LRMDA: variants seen among roughly 807,000 people sequenced by gnomAD.
The protein encoded by LRMDA is leucine rich melanocyte differentiation associated.
In LRMDA, 18 loss-of-function variants were observed where a neutral mutation model predicts 29.8. The ratio of observed to expected loss-of-function variants is 0.60; its 90% CI spans 0.42 to 0.90. The LOEUF is 0.90. Among genes scored for constraint, LRMDA ranks in the 40% least tolerant of loss-of-function variants. LRMDA has a pLI of 0.00. For missense variants in LRMDA, 273 were observed against 273.9 expected (o/e 1.00, Z 0.02); for synonymous variants, 125 against 109.4 (o/e 1.14, Z -0.89).
intron 2 of LRMDA, among the ~76,000 whole-genome samples, chr10:75,927,146 C>A (rs969784939): frequency 1.3e-5 from 2 of 152,154 alleles, no homozygotes; most frequent in African/African-American, 2.4e-5. Flanking sequence ...GGGTCTCCAG[C>A]GATAGGGAAT....
intron 2 of LRMDA, among the ~76,000 whole-genome samples, chr10:75,742,126 A>G (rs1842837384): frequency 1.3e-5 from 2 of 152,208 alleles, no homozygotes; most frequent in African/African-American, 4.8e-5. Context: ...GCCTGTACTG[A>G]CTAAGATACG....
intron 2 of LRMDA, among the ~76,000 whole-genome samples, chr10:75,934,344 A>G (rs974440861): frequency 6.6e-6 from 1 of 152,070 alleles, no homozygotes; most frequent in African/African-American, 2.4e-5. Context: ...ATGCCTTAGA[A>G]TTATTGTCAT....
chr10:75,999,650 G>A (rs1847528464), intron 2 of LRMDA, among the ~76,000 whole-genome samples: 1 of 152,130 alleles, frequency 6.6e-6, no homozygotes, highest in South Asian at 2.1e-4. Flanking sequence ...CATTTCAGTG[G>A]CGTTGACAAT....
intron 5 of LRMDA, among the ~76,000 whole-genome samples, chr10:76,064,201 G>A (rs941098755): frequency 2.0e-5 from 3 of 152,278 alleles, no homozygotes; most frequent in Admixed American, 6.5e-5. Context: ...TCTGGGCATC[G>A]TATTTGTTTT....
At chr10:75,764,928 CGT>C (rs57422251) in intron 2 of LRMDA, among the ~76,000 whole-genome samples, 22,061 of 142,448 alleles carry the variant, frequency 0.15, 1,625 homozygotes, top group Admixed American at 0.17. Flanking sequence ...GCAAGAGACA[CGT>C]GTGTGTGTGT....
intron 2 of LRMDA, among the ~76,000 whole-genome samples, chr10:75,947,174 G>C (rs1411113997): frequency 6.6e-6 from 1 of 152,164 alleles, no homozygotes; most frequent in Non-Finnish European, 1.5e-5. Context: ...CTTAATCCTA[G>C]TGTGGTACTA....
chr10:76,150,295 G>C (rs767775233), intron 5 of LRMDA, among the ~76,000 whole-genome samples: 4 of 152,198 alleles, frequency 2.6e-5, no homozygotes, highest in Non-Finnish European at 2.9e-5. Context: ...CTGGGCATGC[G>C]TGTGGGTGCC....
chr10:76,141,909 T>C (rs926753366), intron 5 of LRMDA, among the ~76,000 whole-genome samples: 1 of 152,134 alleles, frequency 6.6e-6, no homozygotes, highest in Non-Finnish European at 1.5e-5. Context: ...CTTTAGTTTC[T>C]TTGTCTTTTC....
At chr10:75,992,873 A>T (rs1279054269) in intron 2 of LRMDA, among the ~76,000 whole-genome samples, 1 of 152,232 alleles carries the variant, frequency 6.6e-6, no homozygotes, top group Non-Finnish European at 1.5e-5. Context: ...GTCCAAATTC[A>T]TTCATCCACC....
intron 6 of LRMDA, among the ~76,000 whole-genome samples, chr10:76,511,154 G>A (rs1453384683): frequency 6.6e-6 from 1 of 152,134 alleles, no homozygotes; most frequent in Non-Finnish European, 1.5e-5. Flanking sequence ...TGCATGAAGA[G>A]TGTATGGAAA....
chr10:75,916,204 G>A (rs1845932168), intron 2 of LRMDA, among the ~76,000 whole-genome samples: 1 of 151,446 alleles, frequency 6.6e-6, no homozygotes, highest in East Asian at 1.9e-4. Flanking sequence ...GTGGGTGGGT[G>A]TGCATGTGTG....
At chr10:76,541,858 C>T (rs7071653) in intron 6 of LRMDA, among the ~76,000 whole-genome samples, 51,493 of 151,974 alleles carry the variant, frequency 0.34, 9,301 homozygotes, top group African/African-American at 0.39. Flanking sequence ...GTCCTTACGC[C>T]GCAAAAGGTT....
chr10:76,040,218 C>G (rs1848318408), intron 3 of LRMDA, among the ~76,000 whole-genome samples: 1 of 152,142 alleles, frequency 6.6e-6, no homozygotes, highest in Admixed American at 6.5e-5. Flanking sequence ...GCATCCTGAG[C>G]CTGCCTCTGC....
At chr10:76,120,893 C>A (rs1307752938) in intron 5 of LRMDA, among the ~76,000 whole-genome samples, 2 of 149,464 alleles carry the variant, frequency 1.3e-5, no homozygotes, top group Non-Finnish European at 3.0e-5. Flanking sequence ...AGTGCAGTGG[C>A]GTGATCTTGG....
chr10:75,642,506 A>G (rs1019651345), intron 2 of LRMDA: 8 of 151,956 alleles, frequency 5.3e-5, no homozygotes, highest in Non-Finnish European at 1.0e-4. Flanking sequence ...TAGTGAATAT[A>G]TTTTCTGCTT....
intron 2 of LRMDA, among the ~76,000 whole-genome samples, chr10:75,771,342 T>C (rs1167622276): frequency 6.6e-6 from 1 of 151,994 alleles, no homozygotes. Flanking sequence ...ACTAAGTATA[T>C]GTAGATTATT....
At position 75,903,754 on chromosome 10, in the gene LRMDA, C is replaced by A. The variant is rs7067761; in HGVS notation, c.132-132254C>A. 6.3e-3 allele frequency among the ~76,000 whole-genome samples: 958 copies of A among 152,272 alleles called. 11 individuals carry two copies. Among genetic ancestry groups the A allele is most frequent in the African/African-American group, 0.022 (933 of 41,546 alleles). ...AACCAAAAGCTTTTAACAGAGCTCC[C>A]GTTAAAGCAGTTCAGAACATGTGGG... is the stretch of plus-strand genomic sequence containing the variant. On this transcript the variant is annotated intron_variant, in intron 2 of 6. Transcript: ENST00000611255.
chr10:75,473,467 A>G (rs183506461), intron 2 of LRMDA, among the ~76,000 whole-genome samples: 1 of 152,190 alleles, frequency 6.6e-6, no homozygotes, highest in Non-Finnish European at 1.5e-5. Context: ...CTACATCAGG[A>G]TCTCCCAGAG....
intron 6 of LRMDA, chr10:76,556,545 G>T (rs1315500747): frequency 6.6e-6 from 1 of 151,992 alleles, no homozygotes; most frequent in East Asian, 1.9e-4. Context: ...AGTAGAGACG[G>T]AGTTTCATCA....
Sources: gnomAD v4.1 joint callset for allele counts (sites outside exome capture counted in the v4.1 genomes callset) on GRCh38, gnomAD v4.1.1 for gene constraint, MANE v1.5 for transcripts, NCBI Gene and HGNC (gene_info 2026-07-23, HGNC 2026-07-21) for gene names.